ZBTB37: variants seen among roughly 807,000 people sequenced by gnomAD.
ZBTB37 encodes the protein zinc finger and BTB domain containing 37, also known as zinc finger and BTB domain-containing protein 37.
Under a neutral mutation model 37.7 loss-of-function variants are expected in ZBTB37, and 15 were observed. The ratio of observed to expected loss-of-function variants is 0.40; its 90% CI spans 0.27 to 0.61. The LOEUF (loss-of-function observed/expected upper bound fraction) is 0.61, where lower values mean the gene tolerates loss of function less well. Among genes scored for constraint, ZBTB37 ranks in the 20% least tolerant of loss-of-function variants. The pLI is 0.44. For synonymous variants in ZBTB37, 231 were observed against 220.6 expected, an observed-to-expected ratio of 1.05 and a Z score of -0.42; for missense variants, 514 against 641.9, an observed-to-expected ratio of 0.80 and a Z score of 2.15.
chr1:173,869,322 A>G (rs186142739), intron 2 of ZBTB37, among the ~76,000 whole-genome samples: 2 of 147,856 alleles, frequency 1.4e-5, no homozygotes, highest in East Asian at 3.9e-4. Context: ...TATACAAACT[A>G]TTTTCAGTAG....
At chr1:173,899,896 T>TC (rs1244028605) in exon 4 of ZBTB37, 1 of 152,192 alleles carries the variant, frequency 6.6e-6, no homozygotes, top group African/African-American at 2.4e-5. Flanking sequence ...TTGTCATCCA[T>TC]CCAGTTTCCT....
chr1:173,899,651 T>G (rs1657183566), exon 4 of ZBTB37: 1 of 152,180 alleles, frequency 6.6e-6, no homozygotes, highest in South Asian at 2.1e-4. Flanking sequence ...ATTTTATTGG[T>G]CTGTTGTGCA....
At chr1:173,877,904 A>G (rs1656073510) in intron 4 of ZBTB37, among the ~76,000 whole-genome samples, 1 of 152,224 alleles carries the variant, frequency 6.6e-6, no homozygotes, top group Non-Finnish European at 1.5e-5. Flanking sequence ...GAACACACTA[A>G]TAAAGTTACT....
intron 4 of ZBTB37, among the ~76,000 whole-genome samples, chr1:173,882,035 C>G (rs1332294079): frequency 1.3e-5 from 2 of 150,988 alleles, no homozygotes; most frequent in South Asian, 4.2e-4. Flanking sequence ...GCCTGGGTGA[C>G]AGAGGAAGAC....
chr1:173,878,048 GAT>G (rs1411407415), intron 4 of ZBTB37, among the ~76,000 whole-genome samples: 6 of 152,172 alleles, frequency 3.9e-5, no homozygotes, highest in African/African-American at 1.4e-4. Flanking sequence ...GTCTCAAACA[GAT>G]AGACTCTCCC....
chr1:173,874,605 C>T (rs1655815728), intron 4 of ZBTB37, among the ~76,000 whole-genome samples: 2 of 152,148 alleles, frequency 1.3e-5, no homozygotes. Context: ...CCTGCCTCGG[C>T]CTCCCAAAAT....
At chr1:173,875,105 GTC>G (rs1303984264) in intron 4 of ZBTB37, among the ~76,000 whole-genome samples, 4 of 137,966 alleles carry the variant, frequency 2.9e-5, no homozygotes, top group Non-Finnish European at 4.6e-5. Context: ...GGAATCGAAA[GTC>G]TGATTATTAT....
At position 173,879,873 on chromosome 1, in the gene ZBTB37, C is replaced by A. The variant is rs189540021; in HGVS notation, c.1024-5763C>A. Among the ~76,000 whole-genome samples, 254 of 152,264 alleles carry A rather than the reference C, an allele frequency of 1.7e-3. 1 individual carries two copies. The highest frequency in any genetic ancestry group is 5.8e-3 in the African/African-American group (241 of 41,556). ...GGCTGCAACAGGAGAATCACTTGAA[C>A]CTGGGAGGCAGAGGTTGCAGTGAGC... is the stretch of plus-strand genomic sequence containing the variant. On this transcript the variant is annotated intron_variant, in intron 4 of 4. Transcript: ENST00000427304.
chr1:173,869,291 A>G lies in ZBTB37; in HGVS notation c.-30+171A>G, dbSNP rs1172819675. The stretch of plus-strand genomic sequence containing the variant: ...AAGTGAACGCACATTGGGCTTAAGT[A>G]AATGTCTTCCTGTTCGGATTTATAC... On this transcript the variant is annotated intron_variant, in intron 2 of 4. Coordinates refer to ENST00000427304, the Ensembl canonical transcript of ZBTB37. Among the ~76,000 whole-genome samples, 3 of 152,210 alleles carry G rather than the reference A, an allele frequency of 2.0e-5. No homozygotes were observed. In the East Asian group the frequency reaches 5.8e-4, roughly 29 times the overall value.
At chr1:173,879,381 G>A (rs1045972729) in intron 4 of ZBTB37, among the ~76,000 whole-genome samples, 2 of 152,078 alleles carry the variant, frequency 1.3e-5, no homozygotes, top group South Asian at 4.1e-4. Flanking sequence ...ATATGTATAT[G>A]CGTGGGTGTG....
exon 4 of ZBTB37, chr1:173,902,081 A>T (rs1001949458): frequency 6.6e-6 from 1 of 152,210 alleles, no homozygotes; most frequent in Non-Finnish European, 1.5e-5. Context: ...TTAATGTAGC[A>T]TTTACTTCTC....
At chr1:173,882,753 G>A (rs1387602241) in intron 4 of ZBTB37, among the ~76,000 whole-genome samples, 2 of 152,058 alleles carry the variant, frequency 1.3e-5, no homozygotes, top group Non-Finnish European at 2.9e-5. Context: ...ATTAATTTTT[G>A]TATAAGGTGT....
chr1:173,879,301 G>C (rs1656167518), intron 4 of ZBTB37, among the ~76,000 whole-genome samples: 1 of 152,078 alleles, frequency 6.6e-6, no homozygotes, highest in African/African-American at 2.4e-5. Context: ...ACAAGGGATG[G>C]GGGTTTCCTA....
chr1:173,882,393 C>T (rs373441924), intron 4 of ZBTB37, among the ~76,000 whole-genome samples: 8 of 151,788 alleles, frequency 5.3e-5, no homozygotes, highest in African/African-American at 9.7e-5. Flanking sequence ...AGGCACCCGC[C>T]ACCACGCCCA....
intron 4 of ZBTB37, among the ~76,000 whole-genome samples, chr1:173,878,110 A>G (rs1334864653): frequency 6.6e-6 from 1 of 152,144 alleles, no homozygotes; most frequent in Non-Finnish European, 1.5e-5. Flanking sequence ...TAAAGTCTGA[A>G]TGCCTCATTT....
intron 4 of ZBTB37, among the ~76,000 whole-genome samples, chr1:173,883,912 T>A (rs1229006882): frequency 6.6e-6 from 1 of 152,176 alleles, no homozygotes; most frequent in African/African-American, 2.4e-5. Context: ...CAATATTAAT[T>A]GCTAACTAGA....
At chr1:173,883,943 C>G (rs1440282499) in intron 4 of ZBTB37, among the ~76,000 whole-genome samples, 1 of 152,106 alleles carries the variant, frequency 6.6e-6, no homozygotes, top group African/African-American at 2.4e-5. Context: ...TCCAGTTACT[C>G]CAGAGTCAAC....
At chr1:173,873,687 C>CTGTATT in intron 4 of ZBTB37, 121 bp downstream of exon 4, 1 of 1,433,408 alleles carries the variant, frequency 7.0e-7, no homozygotes. Context: ...TAAAGAAATA[C>CTGTATT]TGTATTTTTT....
chr1:173,870,179 T>C, intron 2 of ZBTB37, 21 bp from the exon 3 acceptor site: 1 of 1,448,244 alleles, frequency 6.9e-7, no homozygotes, highest in East Asian at 2.4e-5. Flanking sequence ...TTAATGAGAA[T>C]ATGGTTTCTT....
Sources: allele counts gnomAD v4.1 joint callset (sites outside exome capture counted in the v4.1 genomes callset), GRCh38; gene constraint gnomAD v4.1.1; transcripts MANE v1.5; gene names NCBI Gene and HGNC (gene_info 2026-07-23, HGNC 2026-07-21).